The following CALCRL variants were observed in gnomAD, a reference collection of about 807,000 sequenced individuals.
CALCRL encodes the protein calcitonin receptor like receptor.
CALCRL carries 27 observed loss-of-function variants against 60.4 expected under a neutral mutation model. The observed-to-expected ratio is 0.45, with a 90% confidence interval of 0.33 to 0.62. The LOEUF is 0.62. Among genes scored for constraint, CALCRL ranks in the 20% least tolerant of loss-of-function variants. The pLI is 0.03. For synonymous variants in CALCRL, 190 were observed against 182.6 expected (o/e 1.04, Z -0.33); for missense variants, 424 against 540.7 (o/e 0.78, Z 2.14).
intron 5 of CALCRL, among the ~76,000 whole-genome samples, chr2:187,382,763 T>C (rs908402161): frequency 1.3e-5 from 2 of 152,082 alleles, no homozygotes; most frequent in African/African-American, 4.8e-5. Flanking sequence ...CTATGCAAAG[T>C]GTGTGTGTTA....
chr2:187,345,700 C>T lies in CALCRL; in HGVS notation c.*484G>A, dbSNP rs1041131101. 6.6e-6 allele frequency: 1 copy of T among 150,832 alleles called. No homozygotes were observed. Among genetic ancestry groups the T allele is most frequent in the African/African-American group, 2.4e-5 (1 of 41,136 alleles). 9.3% of individuals were successfully genotyped at this position (150,832 alleles called of 1,614,324 possible). On this transcript the variant is annotated 3_prime_UTR_variant, in exon 15 of 15. Transcript: ENST00000392370. ...ACGGCACTCTGGGCAAAAAAAAAGT[C>T]AACTGCCCCAATCAAGATGGGATAA...
intron 14 of CALCRL, among the ~76,000 whole-genome samples, chr2:187,347,181 CAA>C: frequency 6.6e-6 from 1 of 151,790 alleles, no homozygotes; most frequent in South Asian, 2.1e-4. Flanking sequence ...ATGTAAGGCA[CAA>C]GAGTGAATTT....
chr2:187,381,652 C>T (rs913924794), intron 5 of CALCRL, among the ~76,000 whole-genome samples: 2 of 151,970 alleles, frequency 1.3e-5, no homozygotes, highest in African/African-American at 4.8e-5. Flanking sequence ...GAAGAGGTTT[C>T]ACCATGTTGG....
At chr2:187,407,575 C>T (rs924695512) in intron 1 of CALCRL, among the ~76,000 whole-genome samples, 5 of 151,930 alleles carry the variant, frequency 3.3e-5, no homozygotes, top group South Asian at 2.1e-4. Context: ...AGTGCATTTT[C>T]GCCTATTAAT....
intron 12 of CALCRL, among the ~76,000 whole-genome samples, chr2:187,356,692 A>G (rs13427655): frequency 0.039 from 5,898 of 152,246 alleles, 362 homozygotes; most frequent in African/African-American, 0.13. Flanking sequence ...TGCACAGCAA[A>G]ACAATCACCA....
intron 14 of CALCRL, among the ~76,000 whole-genome samples, chr2:187,348,645 A>G (rs1204125540): frequency 2.0e-5 from 3 of 151,692 alleles, no homozygotes; most frequent in Non-Finnish European, 3.0e-5. Flanking sequence ...AAATCATCAG[A>G]AAAACCATAG....
intron 13 of CALCRL, 38 bp from the exon 14 acceptor site, chr2:187,351,999 A>T (rs1302660745): frequency 6.4e-7 from 1 of 1,568,708 alleles, no homozygotes; most frequent in Non-Finnish European, 8.8e-7. Context: ...ATCCAAATGG[A>T]AAGATACATG....
At chr2:187,358,342 CA>C (rs1686891802) in intron 12 of CALCRL, among the ~76,000 whole-genome samples, 1 of 151,990 alleles carries the variant, frequency 6.6e-6, no homozygotes. Context: ...GGCAACAGAG[CA>C]AGACCTTTTT....
At chr2:187,442,293 T>C (rs1690957105) in intron 1 of CALCRL, among the ~76,000 whole-genome samples, 2 of 151,062 alleles carry the variant, frequency 1.3e-5, no homozygotes, top group South Asian at 2.1e-4. Context: ...TGAAGAACTC[T>C]TAACATAGCT....
intron 1 of CALCRL, among the ~76,000 whole-genome samples, chr2:187,437,729 C>A (rs1690713265): frequency 6.6e-6 from 1 of 151,924 alleles, no homozygotes; most frequent in African/African-American, 2.4e-5. Flanking sequence ...CAAATAAAGT[C>A]AGAAAGTTTA....
At position 187,355,542 on chromosome 2, in the gene CALCRL, A is replaced by G. The variant is rs533778301; in HGVS notation, c.910-3210T>C. Among the ~76,000 whole-genome samples the G allele has an allele frequency of 2.1e-3, 315 of 152,246 alleles. 1 individual carries two copies. Among genetic ancestry groups the G allele is most frequent in the Non-Finnish European group, 3.3e-3 (225 of 68,002 alleles). On this transcript the variant is annotated intron_variant, in intron 12 of 14. Coordinates refer to ENST00000392370, the MANE Select transcript of CALCRL (RefSeq NM_005795.6). ...CCATATACTAAACTGCAGCTAGCAAATATAGTTAAATAATAGAATATCTGT... is the reference window on the plus strand; with the variant it reads ...CCATATACTAAACTGCAGCTAGCAAGTATAGTTAAATAATAGAATATCTGT...
intron 9 of CALCRL, among the ~76,000 whole-genome samples, chr2:187,362,256 G>T (rs1393458459): frequency 1.1e-4 from 17 of 151,976 alleles, no homozygotes; most frequent in Non-Finnish European, 2.5e-4. Flanking sequence ...ATGCTCTGCA[G>T]CTTCAAGACA....
chr2:187,413,694 T>C (rs1342647646), intron 1 of CALCRL, among the ~76,000 whole-genome samples: 1 of 152,146 alleles, frequency 6.6e-6, no homozygotes, highest in African/African-American at 2.4e-5. Flanking sequence ...ATGTTGACAG[T>C]ACAAGGGCTG....
intron 1 of CALCRL, among the ~76,000 whole-genome samples, chr2:187,426,113 A>C (rs910663405): frequency 2.0e-5 from 3 of 151,790 alleles, no homozygotes; most frequent in Non-Finnish European, 2.9e-5. Context: ...AGGAAAACTC[A>C]TTATATAGAA....
chr2:187,427,352 G>A (rs746714414), intron 1 of CALCRL, among the ~76,000 whole-genome samples: 4 of 152,094 alleles, frequency 2.6e-5, no homozygotes, highest in Non-Finnish European at 5.9e-5. Flanking sequence ...GTAACACAAA[G>A]TAAATGATGA....
Position 187,410,329 on chromosome 2 carries a change from A to T in CALCRL, c.-292-22573T>A, listed in dbSNP as rs1689304235. 2.0e-5 allele frequency among the ~76,000 whole-genome samples: 3 copies of T among 152,106 alleles called. No homozygotes were observed. In the South Asian group the frequency reaches 6.2e-4, roughly 32 times the overall value. ...TCACAGATATTCAATTTTTTACCAAATTGGAGGAAATGAGGTACAAGGCAG... is the reference window on the plus strand; with the variant it reads ...TCACAGATATTCAATTTTTTACCAATTTGGAGGAAATGAGGTACAAGGCAG... On this transcript the variant is annotated intron_variant, in intron 1 of 14. Coordinates refer to ENST00000392370, the MANE Select transcript of CALCRL (RefSeq NM_005795.6).
chr2:187,376,783 A>G (rs1395658097), intron 8 of CALCRL, among the ~76,000 whole-genome samples: 1 of 152,086 alleles, frequency 6.6e-6, no homozygotes, highest in Non-Finnish European at 1.5e-5. Flanking sequence ...TTGACAGGCA[A>G]ATGTAATTAT....
intron 1 of CALCRL, among the ~76,000 whole-genome samples, chr2:187,409,049 C>G (rs1689250552): frequency 6.6e-6 from 1 of 152,200 alleles, no homozygotes; most frequent in East Asian, 1.9e-4. Flanking sequence ...CTTCTTCTTC[C>G]CTTTCTTTCT....
intron 1 of CALCRL, among the ~76,000 whole-genome samples, chr2:187,438,592 G>A (rs147004496): frequency 7.9e-5 from 12 of 152,070 alleles, no homozygotes; most frequent in Admixed American, 2.6e-4. Flanking sequence ...GTCCAGAAAG[G>A]CAATAAGTAA....
Sources: gnomAD v4.1 joint callset for allele counts (sites outside exome capture counted in the v4.1 genomes callset) on GRCh38, gnomAD v4.1.1 for gene constraint, MANE v1.5 for transcripts, NCBI Gene and HGNC (gene_info 2026-07-23, HGNC 2026-07-21) for gene names.